EXOC6B: variants seen among roughly 807,000 people sequenced by gnomAD.
EXOC6B encodes the protein exocyst complex component 6B.
EXOC6B carries 54 observed loss-of-function variants against 113.5 expected under a neutral mutation model. The ratio of observed to expected loss-of-function variants is 0.48; its 90% CI spans 0.38 to 0.60. EXOC6B has a LOEUF of 0.60. Ranked by LOEUF, EXOC6B falls within the 20% of genes least tolerant of loss-of-function variation. EXOC6B has a pLI of 0.00. For synonymous variants in EXOC6B, 357 were observed against 339.0 expected (o/e 1.05, Z -0.58); for missense variants, 797 against 977.5 (o/e 0.82, Z 2.46).
intron 8 of EXOC6B, among the ~76,000 whole-genome samples, chr2:72,529,731 G>A (rs1701901948): frequency 6.6e-6 from 1 of 152,120 alleles, no homozygotes; most frequent in South Asian, 2.1e-4. Flanking sequence ...CCAAAGTTCT[G>A]GGATTATAGT....
chr2:72,220,313 C>T (rs180874741), intron 20 of EXOC6B, among the ~76,000 whole-genome samples: 37 of 152,212 alleles, frequency 2.4e-4, no homozygotes, highest in Non-Finnish European at 4.7e-4. Context: ...TGCTGCCCCT[C>T]CCCCAGTTGA....
intron 18 of EXOC6B, among the ~76,000 whole-genome samples, chr2:72,446,580 T>G (rs977473758): frequency 6.6e-6 from 1 of 151,946 alleles, no homozygotes; most frequent in Non-Finnish European, 1.5e-5. Context: ...CAAGAACTCA[T>G]GAACACAAAG....
At chr2:72,611,165 C>T (rs1671048481) in intron 6 of EXOC6B, among the ~76,000 whole-genome samples, 1 of 152,012 alleles carries the variant, frequency 6.6e-6, no homozygotes, top group Non-Finnish European at 1.5e-5. Context: ...GAGTTCAAGA[C>T]CAGCCTGGCC....
At chr2:72,768,585 G>T (rs1284109414) in intron 1 of EXOC6B, among the ~76,000 whole-genome samples, 1 of 149,768 alleles carries the variant, frequency 6.7e-6, no homozygotes, top group South Asian at 2.1e-4. Context: ...GATTAGAGGC[G>T]TGAGACACTG....
intron 20 of EXOC6B, among the ~76,000 whole-genome samples, chr2:72,304,955 T>C (rs1458842762): frequency 6.6e-6 from 1 of 152,260 alleles, no homozygotes; most frequent in Admixed American, 6.5e-5. Context: ...GGTACAAGTA[T>C]TGGGAGCAGA....
At chr2:72,686,941 A>G (rs1263164253) in intron 6 of EXOC6B, among the ~76,000 whole-genome samples, 2 of 152,122 alleles carry the variant, frequency 1.3e-5, no homozygotes, top group Non-Finnish European at 2.9e-5. Flanking sequence ...GATGGAGACC[A>G]TCCTGCCTAA....
rs1683922731 is a variant in EXOC6B, at chr2:72,779,831, G to A, written c.114-38362C>T. Among the ~76,000 whole-genome samples the A allele has an allele frequency of 2.0e-5, 3 of 152,308 alleles. No homozygotes were observed. In the South Asian group the frequency reaches 6.2e-4, roughly 32 times the overall value. On this transcript the variant is annotated intron_variant, in intron 1 of 21. Transcript: ENST00000272427. ...CTTTGGTCTCAGAGATACAATAGAT[G>A]CCTAAAGTTGCTGGTGTATGCCCGT... is the stretch of plus-strand genomic sequence containing the variant.
At chr2:72,396,795 GC>G (rs1420442858) in intron 18 of EXOC6B, among the ~76,000 whole-genome samples, 2 of 151,958 alleles carry the variant, frequency 1.3e-5, no homozygotes, top group Non-Finnish European at 2.9e-5. Flanking sequence ...AAAAAACCCT[GC>G]CAAATTGTGT....
At chr2:72,399,073 G>A (rs1232200474) in intron 18 of EXOC6B, among the ~76,000 whole-genome samples, 1 of 150,320 alleles carries the variant, frequency 6.7e-6, no homozygotes, top group Non-Finnish European at 1.5e-5. Flanking sequence ...CTATGTATGA[G>A]CATATGATCC....
At chr2:72,228,534 C>T (rs555558735) in intron 20 of EXOC6B, among the ~76,000 whole-genome samples, 16 of 151,326 alleles carry the variant, frequency 1.1e-4, no homozygotes, top group South Asian at 4.2e-4. Flanking sequence ...TTTTTCCTTG[C>T]GATAGTTTGC....
intron 6 of EXOC6B, among the ~76,000 whole-genome samples, chr2:72,606,862 C>T (rs936008788): frequency 9.9e-5 from 15 of 152,104 alleles, no homozygotes; most frequent in Admixed American, 9.8e-4. Context: ...CTACCCACCT[C>T]GGCCTCCCAA....
chr2:72,216,229 A>G (rs538471017), intron 20 of EXOC6B, among the ~76,000 whole-genome samples: 34 of 152,360 alleles, frequency 2.2e-4, no homozygotes, highest in Non-Finnish European at 4.6e-4. Flanking sequence ...AAGAATGTCT[A>G]CTTTTTGGGC....
At chr2:72,242,997 A>G (rs987659175) in intron 20 of EXOC6B, among the ~76,000 whole-genome samples, 3 of 152,152 alleles carry the variant, frequency 2.0e-5, no homozygotes, top group Non-Finnish European at 4.4e-5. Context: ...TAGTGTTGGG[A>G]TTACAGGCAT....
chr2:72,782,064 C>T (rs562055291), intron 1 of EXOC6B, among the ~76,000 whole-genome samples: 6 of 150,078 alleles, frequency 4.0e-5, no homozygotes, highest in African/African-American at 7.3e-5. Flanking sequence ...CACTTGAACC[C>T]GGGAAACAGA....
intron 1 of EXOC6B, among the ~76,000 whole-genome samples, chr2:72,780,198 T>C (rs1472788653): frequency 6.6e-6 from 1 of 152,248 alleles, no homozygotes; most frequent in East Asian, 1.9e-4. Flanking sequence ...CATAACATTT[T>C]GTATTATTAA....
chr2:72,556,709 A>G (rs1703563874), intron 8 of EXOC6B, among the ~76,000 whole-genome samples: 1 of 151,874 alleles, frequency 6.6e-6, no homozygotes, highest in African/African-American at 2.4e-5. Flanking sequence ...TAAATGTAGT[A>G]TAAAGTAAAT....
rs2104181543 is a variant in EXOC6B, at chr2:72,178,639, T to A, written c.*696A>T. 1 of 152,292 alleles carries A rather than the reference T, an allele frequency of 6.6e-6. No homozygotes were observed. The highest frequency in any genetic ancestry group is 2.1e-4 in the South Asian group (1 of 4,820). 9.4% of individuals were successfully genotyped at this position (152,292 alleles called of 1,614,324 possible). A position where few individuals can be genotyped will look rare whatever the true frequency, so the allele number is the denominator to read the frequency against. ...CTCCTAGAGCTGGGGCAATATGCAG[T>A]TAAACATGGGATCCAATTATTACTG... On this transcript the variant is annotated 3_prime_UTR_variant, in exon 22 of 22. Transcript: ENST00000272427.
intron 8 of EXOC6B, among the ~76,000 whole-genome samples, chr2:72,547,208 T>C (rs1355395296): frequency 1.3e-5 from 2 of 152,318 alleles, no homozygotes; most frequent in Non-Finnish European, 2.9e-5. Flanking sequence ...AATTCCCTTA[T>C]ATCTTAGGGT....
Position 72,337,188 on chromosome 2 carries a change from G to C in EXOC6B, c.2123-2168C>G, listed in dbSNP as rs975256272. Reference sequence around the variant, plus strand: ...TTCCTATACTATGCTCCTGTTAATAGCAATTCTTTGAATTACAGCCACAGC... The same window carrying C: ...TTCCTATACTATGCTCCTGTTAATACCAATTCTTTGAATTACAGCCACAGC... On this transcript the variant is annotated intron_variant, in intron 19 of 21. Transcript: ENST00000272427. 1.2e-4 allele frequency among the ~76,000 whole-genome samples: 19 copies of C among 152,138 alleles called. 1 individual carries two copies. In the South Asian group the frequency reaches 2.1e-3, roughly 17 times the overall value.
Sources: gnomAD v4.1 joint callset for allele counts (sites outside exome capture counted in the v4.1 genomes callset) on GRCh38, gnomAD v4.1.1 for gene constraint, MANE v1.5 for transcripts, NCBI Gene and HGNC (gene_info 2026-07-23, HGNC 2026-07-21) for gene names.